Variants in ANXA8 observed in about 807,000 individuals in gnomAD.
ANXA8 encodes the protein annexin A8.
A neutral mutation model predicts 26.8 loss-of-function variants in ANXA8; 9 were observed. The observed-to-expected ratio is 0.34, with a 90% CI of 0.20 to 0.59. The LOEUF (loss-of-function observed/expected upper bound fraction) is 0.59, where lower values mean the gene tolerates loss of function less well. ANXA8 is among the 20% of genes least tolerant of loss of function. The probability of loss-of-function intolerance (pLI) is 0.84; values close to 1 mark genes in which losing one functional copy is unlikely to be tolerated. For synonymous variants in ANXA8, 39 were observed against 94.8 expected (o/e 0.41, Z 3.42); for missense variants, 83 against 238.5 (o/e 0.35, Z 4.29).
chr10:47,728,773 A>ATTTTTT, the ANXA8 span, among the ~76,000 whole-genome samples: 1 of 121,426 alleles, frequency 8.2e-6, no homozygotes, highest in African/African-American at 3.3e-5. Flanking sequence ...TTTTTTTTTG[A>ATTTTTT]GATGGAGTTT....
At chr10:47,491,813 G>A in the ANXA8 span, 30 of 724,004 alleles carry the variant, frequency 4.1e-5, no homozygotes, top group Non-Finnish European at 7.0e-5. Context: ...AGGTGAGTCA[G>A]TGAGGGCGGC....
the ANXA8 span, chr10:47,986,434 T>C: frequency 4.4e-6 from 1 of 227,372 alleles, no homozygotes; most frequent in African/African-American, 2.3e-5. Context: ...CCTAGTCTTT[T>C]ACTTGTCTAT....
At chr10:47,985,094 A>G in the ANXA8 span, among the ~76,000 whole-genome samples, 1 of 149,206 alleles carries the variant, frequency 6.7e-6, no homozygotes, top group East Asian at 1.9e-4. Context: ...ACTCACATTT[A>G]CAATGCATAA....
At chr10:47,954,128 T>C in the ANXA8 span, among the ~76,000 whole-genome samples, 1 of 150,742 alleles carries the variant, frequency 6.6e-6, no homozygotes, top group African/African-American at 2.5e-5. Flanking sequence ...TAGCCAAGAT[T>C]TGAAATCACT....
At chr10:47,744,414 G>GGGGGGGGTTGGTGGGGGAGGGGGGAA in the ANXA8 span, among the ~76,000 whole-genome samples, 1 of 42,962 alleles carries the variant, frequency 2.3e-5, no homozygotes, top group Non-Finnish European at 4.7e-5. Context: ...CTCCTGGTGG[G>GGGGGGGGTTGGTGGGGGAGGGGGGAA]GGGGGGGTTG....
the ANXA8 span, among the ~76,000 whole-genome samples, chr10:47,693,687 G>A: frequency 2.5e-3 from 385 of 151,856 alleles, 3 homozygotes; most frequent in African/African-American, 8.7e-3. Flanking sequence ...TTATTTATAT[G>A]TGATTATATT....
chr10:47,711,624 A>G, the ANXA8 span, among the ~76,000 whole-genome samples: 9 of 147,514 alleles, frequency 6.1e-5, no homozygotes, highest in South Asian at 1.9e-3. Flanking sequence ...ACAAACATGT[A>G]TCAGTGATAG....
the ANXA8 span, among the ~76,000 whole-genome samples, chr10:47,534,555 G>C: frequency 7.4e-6 from 1 of 135,412 alleles, no homozygotes; most frequent in Non-Finnish European, 1.6e-5. Context: ...TGGGCTTCTT[G>C]ATGTTTTTCT....
chr10:47,547,860 ATAC>A, the ANXA8 span, among the ~76,000 whole-genome samples: 2 of 140,310 alleles, frequency 1.4e-5, no homozygotes, highest in African/African-American at 2.6e-5. Context: ...TTCTATCAAA[ATAC>A]TACATGTACC....
chr10:47,684,144 C>T, the ANXA8 span, among the ~76,000 whole-genome samples: 29 of 152,088 alleles, frequency 1.9e-4, no homozygotes, highest in African/African-American at 7.0e-4. Flanking sequence ...TTGCAAGTTT[C>T]ATCTGGTATC....
chr10:47,740,964 G>A, the ANXA8 span, among the ~76,000 whole-genome samples: 435 of 151,882 alleles, frequency 2.9e-3, 7 homozygotes, highest in African/African-American at 9.8e-3. Flanking sequence ...TACACTCTCC[G>A]CAGCCAAAAC....
the ANXA8 span, among the ~76,000 whole-genome samples, chr10:47,612,377 T>C: frequency 1.1e-4 from 6 of 55,294 alleles, 3 homozygotes; most frequent in Non-Finnish European, 2.2e-4. Context: ...GACATGAATT[T>C]GGGAAAAATG....
At chr10:47,657,211 C>G in the ANXA8 span, among the ~76,000 whole-genome samples, 1 of 151,780 alleles carries the variant, frequency 6.6e-6, no homozygotes, top group East Asian at 1.9e-4. Flanking sequence ...TTTCTCTGGT[C>G]TAAGATTATC....
At chr10:47,735,350 C>T in the ANXA8 span, among the ~76,000 whole-genome samples, 1 of 146,762 alleles carries the variant, frequency 6.8e-6, no homozygotes, top group South Asian at 2.1e-4. Context: ...TTGCCTTGGC[C>T]TCCCAAAGTG....
At chr10:47,767,845 G>A in the ANXA8 span, among the ~76,000 whole-genome samples, 2 of 149,452 alleles carry the variant, frequency 1.3e-5, no homozygotes, top group Non-Finnish European at 3.0e-5. Context: ...CCACGTGGAG[G>A]AGCCAGAGAG....
the ANXA8 span, among the ~76,000 whole-genome samples, chr10:47,940,133 A>C: frequency 1.4e-4 from 21 of 150,148 alleles, no homozygotes; most frequent in East Asian, 4.3e-4. Flanking sequence ...GCATCCCTGG[A>C]TTTTGCACTT....
At chr10:47,975,779 C>T in the ANXA8 span, among the ~76,000 whole-genome samples, 1 of 148,678 alleles carries the variant, frequency 6.7e-6, no homozygotes, top group East Asian at 1.9e-4. Context: ...GTCCTGGGTA[C>T]AGAGAAGGCT....
At chr10:47,684,078 G>A in the ANXA8 span, among the ~76,000 whole-genome samples, 7 of 151,924 alleles carry the variant, frequency 4.6e-5, no homozygotes, top group Middle Eastern at 3.4e-3. Context: ...CGACTGAAGC[G>A]GCCTTCTGCA....
the ANXA8 span, among the ~76,000 whole-genome samples, chr10:47,742,067 C>G: frequency 9.2e-6 from 1 of 109,244 alleles, no homozygotes; most frequent in Non-Finnish European, 1.9e-5. Context: ...CTCAGACTCC[C>G]AGGCTTAGGT....
Sources: gnomAD v4.1 joint callset for allele counts (sites outside exome capture counted in the v4.1 genomes callset) on GRCh38, gnomAD v4.1.1 for gene constraint, MANE v1.5 for transcripts, NCBI Gene and HGNC (gene_info 2026-07-23, HGNC 2026-07-21) for gene names.